PRRT1B: variants seen among roughly 807,000 people sequenced by gnomAD.
PRRT1B encodes proline rich transmembrane protein 1B.
chr9:131,548,384 C>G (rs1175646646), intron 1 of PRRT1B, among the ~76,000 whole-genome samples: 1 of 152,154 alleles, frequency 6.6e-6, no homozygotes, highest in Non-Finnish European at 1.5e-5. Context: ...TTAACTCTCG[C>G]CTGACCTAAA....
chr9:131,551,760 G>A lies in PRRT1B; in HGVS notation c.26-2797G>A, dbSNP rs1483467344. On this transcript the variant is annotated intron_variant, in intron 1 of 3. Transcript: ENST00000636672. The surrounding 1 kb of genome is among the most constrained non-coding windows in gnomAD (Gnocchi z 4.4). ...GTGACCCCCACTCCTGCCCACCAGA[G>A]AACAACCCCCTTTGACTGTAATTTT... 6.6e-6 allele frequency among the ~76,000 whole-genome samples: 1 copy of A among 151,704 alleles called. No individual in the cohort carries two copies. The highest frequency in any genetic ancestry group is 2.4e-5 in the African/African-American group (1 of 41,286).
chr9:131,558,343 C>T (rs1951063995), exon 4 of PRRT1B: 2 of 397,136 alleles, frequency 5.0e-6, no homozygotes, highest in East Asian at 3.6e-5. Context: ...AGAGGGCAGG[C>T]TTGGCAGCCC....
exon 2 of PRRT1B, chr9:131,554,696 C>T: frequency 2.7e-6 from 1 of 369,972 alleles, no homozygotes; most frequent in Non-Finnish European, 4.8e-6. Context: ...GGACCCTGGA[C>T]GAGGACGGGG....
At chr9:131,546,434 CG>C (rs556789068) in intron 1 of PRRT1B, among the ~76,000 whole-genome samples, 1 of 152,226 alleles carries the variant, frequency 6.6e-6, no homozygotes, top group East Asian at 1.9e-4. Context: ...ACCGAGACCT[CG>C]TCCTTGCCCT....
intron 1 of PRRT1B, among the ~76,000 whole-genome samples, chr9:131,547,058 C>A (rs10901070): frequency 0.71 from 101,107 of 142,366 alleles, 37,060 homozygotes; most frequent in African/African-American, 0.91. Flanking sequence ...GCCTGGCCTC[C>A]TGTTCGCTTT....
chr9:131,552,440 T>A (rs2132009396), intron 1 of PRRT1B, among the ~76,000 whole-genome samples: 2 of 152,366 alleles, frequency 1.3e-5, no homozygotes, highest in East Asian at 3.9e-4. Flanking sequence ...TTGGATTGTG[T>A]CCTGGACATT....
chr9:131,559,551 C>CTG (rs917261613), downstream of PRRT1B, among the ~76,000 whole-genome samples: 12 of 152,254 alleles, frequency 7.9e-5, no homozygotes, highest in African/African-American at 2.9e-4. Context: ...CGGTGTGCTG[C>CTG]TTACAACCCT....
intron 1 of PRRT1B, among the ~76,000 whole-genome samples, chr9:131,549,398 C>T (rs1202604663): frequency 6.6e-6 from 1 of 150,676 alleles, no homozygotes; most frequent in Admixed American, 6.6e-5. Context: ...GGAATGCCCC[C>T]AGCCCGGGAT....
In PRRT1B at chr9:131,551,272, G is replaced by A. The variant is rs1319724951; in HGVS notation, c.26-3285G>A. ...TTAGTTTTTCAATTCATACAAAACC[G>A]CATCCAGGCCATCACCAATCATTCT... On this transcript the variant is annotated intron_variant, in intron 1 of 3. Coordinates refer to ENST00000636672, the Ensembl canonical transcript of PRRT1B. This position sits in a 1 kb window ranked among gnomAD's most constrained non-coding sequence, Gnocchi z 4.4. 5.9e-5 allele frequency among the ~76,000 whole-genome samples: 9 copies of A among 151,852 alleles called. No homozygotes were observed. Among genetic ancestry groups the A allele is most frequent in the Non-Finnish European group, 8.8e-5 (6 of 67,974 alleles).
chr9:131,557,580 A>G (rs186416864), intron 3 of PRRT1B, among the ~76,000 whole-genome samples: 39 of 152,308 alleles, frequency 2.6e-4, no homozygotes, highest in Admixed American at 6.5e-4. Context: ...TGGGGGGCCT[A>G]TGCTCAAGGC....
At position 131,551,133 on chromosome 9, in the gene PRRT1B, G is replaced by A. The variant is rs193104556; in HGVS notation, c.26-3424G>A. Among the ~76,000 whole-genome samples the A allele has an allele frequency of 9.8e-4, 149 of 151,574 alleles. No homozygotes were observed. The highest frequency in any genetic ancestry group is 3.4e-3 in the African/African-American group (141 of 41,288). Reference sequence around the variant, plus strand: ...AATTTTTTGTATTTTTAGTAGAGACGGGGTTACACCGTGTTAGCCAGGATG... The same window carrying A: ...AATTTTTTGTATTTTTAGTAGAGACAGGGTTACACCGTGTTAGCCAGGATG... On this transcript the variant is annotated intron_variant, in intron 1 of 3. Coordinates refer to ENST00000636672, the Ensembl canonical transcript of PRRT1B. The surrounding 1 kb of genome is among the most constrained non-coding windows in gnomAD (Gnocchi z 4.4).
chr9:131,552,201 G>A (rs1951016617), intron 1 of PRRT1B, among the ~76,000 whole-genome samples: 1 of 152,212 alleles, frequency 6.6e-6, no homozygotes, highest in African/African-American at 2.4e-5. Context: ...TTTTAGAGAG[G>A]ACAAGGTCTC....
At chr9:131,547,638 C>T (rs1383672194) in intron 1 of PRRT1B, among the ~76,000 whole-genome samples, 2 of 152,206 alleles carry the variant, frequency 1.3e-5, no homozygotes, top group Non-Finnish European at 2.9e-5. Context: ...TGCCGTGACT[C>T]AGATCGGGGG....
chr9:131,551,240 C>G lies in PRRT1B; in HGVS notation c.26-3317C>G, dbSNP rs1951010565. 6.6e-6 allele frequency among the ~76,000 whole-genome samples: 1 copy of G among 152,032 alleles called. No homozygotes were observed. Among genetic ancestry groups the G allele is most frequent in the East Asian group, 1.9e-4 (1 of 5,196 alleles). ...TACGGGTGTGAGCCACCGCGCCCGA[C>G]CTGCGTTTAGTTTTTCAATTCATAC... On this transcript the variant is annotated intron_variant, in intron 1 of 3. Coordinates refer to ENST00000636672, the Ensembl canonical transcript of PRRT1B. The surrounding 1 kb of genome is among the most constrained non-coding windows in gnomAD (Gnocchi z 4.4).
chr9:131,559,069 T>C (rs1398583020), downstream of PRRT1B, among the ~76,000 whole-genome samples: 2 of 152,210 alleles, frequency 1.3e-5, no homozygotes, highest in East Asian at 1.9e-4. Context: ...ACCGTACCTA[T>C]GACTCTGGCA....
chr9:131,549,363 G>C (rs55776338), intron 1 of PRRT1B, among the ~76,000 whole-genome samples: 20,222 of 152,216 alleles, frequency 0.13, 1,707 homozygotes, highest in East Asian at 0.2. Flanking sequence ...TGCTACGAGT[G>C]TTGGAAATCT....
chr9:131,547,741 A>G (rs1382490452), intron 1 of PRRT1B, among the ~76,000 whole-genome samples: 2 of 152,140 alleles, frequency 1.3e-5, no homozygotes, highest in African/African-American at 4.8e-5. Flanking sequence ...CAACCAGCCC[A>G]AGGAACATCT....
At chr9:131,546,452 T>A (rs1456137222) in intron 1 of PRRT1B, among the ~76,000 whole-genome samples, 1 of 150,184 alleles carries the variant, frequency 6.7e-6, no homozygotes, top group Non-Finnish European at 1.5e-5. Context: ...CCCTGGGGAG[T>A]CTCTGGCTGG....
intron 1 of PRRT1B, among the ~76,000 whole-genome samples, chr9:131,552,614 T>A (rs949026230): frequency 6.6e-6 from 1 of 152,134 alleles, no homozygotes; most frequent in African/African-American, 2.4e-5. Flanking sequence ...TCAGAGTTTT[T>A]TTTTAGGCTG....
Sources: allele counts gnomAD v4.1 joint callset (sites outside exome capture counted in the v4.1 genomes callset), GRCh38; gene constraint gnomAD v4.1.1; non-coding constraint Gnocchi (gnomAD v3.1); transcripts MANE v1.5; gene names NCBI Gene and HGNC (gene_info 2026-07-23, HGNC 2026-07-21).